Variants in DMD observed in about 807,000 individuals in gnomAD.
DMD encodes mutant dystrophin.
A neutral mutation model predicts 330.1 loss-of-function variants in DMD; 63 were observed. The ratio of observed to expected loss-of-function variants is 0.19; its 90% CI spans 0.16 to 0.24. DMD has a LOEUF of 0.24. DMD is among the 10% of genes least tolerant of loss of function. DMD has a pLI of 1.00. For synonymous variants in DMD, 1,223 were observed against 959.8 expected, an observed-to-expected ratio of 1.27 and a Z score of -5.07; for missense variants, 3,344 against 2,684.1, an observed-to-expected ratio of 1.25 and a Z score of -5.43.
intron 60 of DMD, among the ~76,000 whole-genome samples, chrX:31,366,703 T>C: frequency 9.2e-6 from 1 of 109,022 alleles, no homozygotes; most frequent in South Asian, 4.0e-4. Flanking sequence ...TCATTCTTTT[T>C]AGAAGCTTTT....
At chrX:32,106,397 A>G (rs2096564015) in intron 44 of DMD, among the ~76,000 whole-genome samples, 1 of 111,842 alleles carries the variant, frequency 8.9e-6, no homozygotes, top group South Asian at 3.7e-4. Context: ...GGAAAAGGGT[A>G]ATGCAAAGTG....
chrX:31,647,401 A>C (rs772807979), intron 54 of DMD, among the ~76,000 whole-genome samples: 1 of 112,164 alleles, frequency 8.9e-6, no homozygotes, highest in Non-Finnish European at 1.9e-5. Flanking sequence ...TTTCTATTTT[A>C]ATAGGAAACT....
chrX:33,334,094 C>A (rs757444759), intron 1 of DMD, among the ~76,000 whole-genome samples: 5 of 111,131 alleles, frequency 4.5e-5, no homozygotes, highest in Non-Finnish European at 7.6e-5. Context: ...AGAATCCTAC[C>A]AAATAGGTAA....
At chrX:32,635,123 A>T (rs1435115802) in intron 11 of DMD, among the ~76,000 whole-genome samples, 1 of 111,412 alleles carries the variant, frequency 9.0e-6, no homozygotes, top group African/African-American at 3.3e-5. Context: ...GTGACAGGGC[A>T]GCACTGATTT....
chrX:32,061,003 C>T (rs2096220289), intron 44 of DMD, among the ~76,000 whole-genome samples: 1 of 111,274 alleles, frequency 9.0e-6, no homozygotes, highest in Admixed American at 9.6e-5. Flanking sequence ...TGGCCTGGCA[C>T]ATAGTAAGCC....
intron 7 of DMD, among the ~76,000 whole-genome samples, chrX:32,748,212 G>A (rs907336075): frequency 2.8e-5 from 3 of 108,950 alleles, no homozygotes; most frequent in African/African-American, 6.7e-5. Context: ...GTGTGGTTGC[G>A]GATGCCTGTA....
At chrX:31,405,650 C>T (rs769360533) in intron 60 of DMD, among the ~76,000 whole-genome samples, 284 of 111,551 alleles carry the variant, frequency 2.5e-3, no homozygotes, top group African/African-American at 8.4e-3. Flanking sequence ...AAAAATTCTG[C>T]CTAAATCACC....
At chrX:31,663,271 C>T (rs1022206706) in intron 53 of DMD, among the ~76,000 whole-genome samples, 3 of 111,385 alleles carry the variant, frequency 2.7e-5, no homozygotes, top group African/African-American at 6.5e-5. Context: ...AATTAGCACC[C>T]GATGGTTCTG....
At chrX:32,042,765 GA>G (rs1373337561) in intron 44 of DMD, among the ~76,000 whole-genome samples, 1 of 112,080 alleles carries the variant, frequency 8.9e-6, no homozygotes, top group Non-Finnish European at 1.9e-5. Context: ...AATATAAAAT[GA>G]GAGGAAATAG....
chrX:33,285,170 T>G (rs1279447512), intron 1 of DMD, among the ~76,000 whole-genome samples: 1 of 111,760 alleles, frequency 8.9e-6, no homozygotes, highest in Non-Finnish European at 1.9e-5. Flanking sequence ...CAATTACCTT[T>G]TTTCTCAACT....
chrX:31,147,140 T>C lies in DMD; in HGVS notation c.10797+135A>G, dbSNP rs3816796. 0.048 allele frequency: 38,876 copies of C among 809,088 alleles called. 2,721 individuals are homozygous for C. Among genetic ancestry groups the C allele is most frequent in the African/African-American group, 0.3 (14,737 of 49,171 alleles). 66.7% of individuals were successfully genotyped at this position (809,088 alleles called of 1,213,427 possible). A position where few individuals can be genotyped will look rare whatever the true frequency, so the allele number is the denominator to read the frequency against. On this transcript the variant is annotated intron_variant, in intron 75 of 78. Coordinates refer to ENST00000357033, the MANE Select transcript of DMD (RefSeq NM_004006.3). ...TATCTCCTCTACTTCTATCCTTTGA[T>C]ACTATCACTTTGCAGGCACATACCA...
intron 41 of DMD, among the ~76,000 whole-genome samples, chrX:32,317,785 T>C (rs1034413608): frequency 1.7e-4 from 19 of 109,186 alleles, no homozygotes; most frequent in Admixed American, 1.7e-3. Flanking sequence ...GCATCAAAAG[T>C]GTAACAAAAA....
intron 41 of DMD, among the ~76,000 whole-genome samples, chrX:32,312,470 G>A (rs2097566188): frequency 9.0e-6 from 1 of 110,887 alleles, no homozygotes; most frequent in Admixed American, 9.6e-5. Flanking sequence ...AAACTTAGCT[G>A]TATGGTCAAA....
At chrX:31,991,366 C>T (rs905040228) in intron 44 of DMD, among the ~76,000 whole-genome samples, 1 of 110,708 alleles carries the variant, frequency 9.0e-6, no homozygotes, top group African/African-American at 3.3e-5. Flanking sequence ...GGTACTATGA[C>T]TTTTATCTAA....
chrX:31,413,596 A>G (rs1295382263), intron 60 of DMD, among the ~76,000 whole-genome samples: 1 of 112,024 alleles, frequency 8.9e-6, no homozygotes, highest in Non-Finnish European at 1.9e-5. Flanking sequence ...AGGGGGCACT[A>G]TTTATGGAGG....
chrX:31,574,775 G>A (rs2076016137), intron 55 of DMD, among the ~76,000 whole-genome samples: 1 of 110,028 alleles, frequency 9.1e-6, no homozygotes, highest in Admixed American at 9.7e-5. Flanking sequence ...ATTCCACATC[G>A]TATTTGGCCA....
chrX:32,461,045 A>G lies in DMD; in HGVS notation c.3432+2394T>C, dbSNP rs749865971. 8.0e-5 allele frequency among the ~76,000 whole-genome samples: 9 copies of G among 111,929 alleles called. No homozygotes were observed. In the Admixed American group the frequency reaches 8.6e-4, roughly 11 times the overall value. ...AAATTTAAAATAATAACCATTTTAT[A>G]TACCCAAAATTAGATCATGGGATGT... is the stretch of plus-strand genomic sequence containing the variant. On this transcript the variant is annotated intron_variant, in intron 25 of 78. Transcript: ENST00000357033.
chrX:32,029,962 G>A (rs1305765576), intron 44 of DMD, among the ~76,000 whole-genome samples: 3 of 111,374 alleles, frequency 2.7e-5, no homozygotes, highest in Non-Finnish European at 5.7e-5. Flanking sequence ...ACCAGATCCT[G>A]GTCTCAGAGA....
intron 45 of DMD, among the ~76,000 whole-genome samples, chrX:31,961,740 G>GTTTGTTTTTTTTT (rs1557033672): frequency 1.6e-4 from 12 of 75,634 alleles, no homozygotes; most frequent in African/African-American, 6.4e-4. Flanking sequence ...AAAGGAAGCG[G>GTTTGTTTTTTTTT]TTTTTTTTTT....
Sources: gnomAD v4.1 joint callset for allele counts (sites outside exome capture counted in the v4.1 genomes callset) on GRCh38, gnomAD v4.1.1 for gene constraint, MANE v1.5 for transcripts, NCBI Gene and HGNC (gene_info 2026-07-23, HGNC 2026-07-21) for gene names.